Variants in CDH13 observed in about 807,000 individuals in gnomAD.
CDH13 encodes the protein cadherin 13.
In CDH13, 24 loss-of-function variants were observed where a neutral mutation model predicts 63.8. The ratio of observed to expected loss-of-function variants is 0.38; its 90% CI spans 0.27 to 0.53. The LOEUF is 0.53. Ranked by LOEUF, CDH13 falls within the 20% of genes least tolerant of loss-of-function variation. The pLI, the probability that CDH13 is intolerant of heterozygous loss-of-function variation, is 0.85. For synonymous variants in CDH13, 503 were observed against 355.3 expected (o/e 1.42, Z -4.67); for missense variants, 1,049 against 903.1 (o/e 1.16, Z -2.07).
intron 3 of CDH13, among the ~76,000 whole-genome samples, chr16:83,072,956 T>C (rs1490224677): frequency 6.6e-6 from 1 of 152,332 alleles, no homozygotes; most frequent in East Asian, 1.9e-4. Context: ...TATTTTAAGA[T>C]GATGTGGCCT....
intron 1 of CDH13, among the ~76,000 whole-genome samples, chr16:82,744,255 T>C (rs1237685570): frequency 2.6e-5 from 4 of 152,190 alleles, no homozygotes; most frequent in Non-Finnish European, 5.9e-5. Context: ...AAGAGGGTGA[T>C]TGTTAAATGA....
intron 2 of CDH13, among the ~76,000 whole-genome samples, chr16:82,956,387 A>T (rs996286726): frequency 1.3e-5 from 2 of 152,066 alleles, no homozygotes; most frequent in African/African-American, 4.8e-5. Flanking sequence ...ATGGCAGCTG[A>T]AGGATTATTT....
intron 7 of CDH13, among the ~76,000 whole-genome samples, chr16:83,592,523 A>T (rs1197714099): frequency 3.3e-5 from 5 of 152,186 alleles, no homozygotes. Context: ...TAGGAACGCC[A>T]TTGGCAGTTT....
intron 1 of CDH13, among the ~76,000 whole-genome samples, chr16:82,693,520 C>G (rs530630559): frequency 3.3e-5 from 5 of 152,142 alleles, no homozygotes; most frequent in South Asian, 2.1e-4. Context: ...ACTCGCTCTC[C>G]CCTGTATTAA....
At chr16:83,602,711 T>C in intron 8 of CDH13, 117 bp downstream of exon 8, 2 of 1,020,082 alleles carry the variant, frequency 2.0e-6, no homozygotes, top group Non-Finnish European at 3.0e-6. Flanking sequence ...AAATACTCCT[T>C]TGTGGGAGAG....
intron 4 of CDH13, among the ~76,000 whole-genome samples, chr16:83,171,282 C>G (rs1248137598): frequency 6.6e-6 from 1 of 152,010 alleles, no homozygotes; most frequent in African/African-American, 2.4e-5. Flanking sequence ...TTTTAAAGGA[C>G]CAGATCTTGT....
chr16:83,402,773 A>G (rs16960371), intron 6 of CDH13, among the ~76,000 whole-genome samples: 5 of 152,090 alleles, frequency 3.3e-5, no homozygotes, highest in African/African-American at 7.2e-5. Context: ...TTAGTATGCA[A>G]TTTCATTCTT....
intron 3 of CDH13, among the ~76,000 whole-genome samples, chr16:83,088,634 G>C (rs1567817936): frequency 6.6e-6 from 1 of 152,186 alleles, no homozygotes; most frequent in South Asian, 2.1e-4. Context: ...TGAGAACAAA[G>C]TATTTACATT....
rs1366038336 is a variant in CDH13, at chr16:83,724,270, G to T, written c.1539-23838G>T. 2.1e-5 allele frequency among the ~76,000 whole-genome samples: 3 copies of T among 145,492 alleles called. No homozygotes were observed. The Admixed American group carries it at 2.1e-4, about 10-fold the overall frequency. On this transcript the variant is annotated intron_variant, in intron 10 of 13. Transcript: ENST00000567109. ...TGGGTGGATGATGAATGCATGGGTG[G>T]GTGATTAATGCATGGGTAGGTGATG...
At chr16:83,465,648 T>C (rs539258752) in intron 6 of CDH13, among the ~76,000 whole-genome samples, 96 of 152,350 alleles carry the variant, frequency 6.3e-4, no homozygotes, top group African/African-American at 2.0e-3. Context: ...GGGAATTATA[T>C]GGAACACTCA....
chr16:82,773,505 T>G (rs2035354793), intron 1 of CDH13: 1 of 152,276 alleles, frequency 6.6e-6, no homozygotes, highest in Non-Finnish European at 1.5e-5. Flanking sequence ...TCTGGAAGTT[T>G]CCTTTGAACA....
At chr16:82,937,438 G>GACACACAC (rs10626791) in intron 2 of CDH13, among the ~76,000 whole-genome samples, 3 of 146,932 alleles carry the variant, frequency 2.0e-5, no homozygotes, top group African/African-American at 7.4e-5. Flanking sequence ...CACACACACA[G>GACACACAC]ACACACACAC....
rs1598446205 is a variant in CDH13 at position 83,671,120 on chromosome 16, C to T, written c.1284+148C>T. ...AATTAACAAAGGAAAAGGCTCATGG[C>T]TTAAGGGTGCACTCGTATCCTCAGC... On this transcript the variant is annotated intron_variant, in intron 9 of 13. Transcript: ENST00000567109. 7 of 671,226 alleles carry T rather than the reference C, an allele frequency of 1.0e-5. No individual in the cohort carries two copies. The East Asian group carries it at 1.8e-4, about 17-fold the overall frequency. 41.6% of individuals were successfully genotyped at this position (671,226 alleles called of 1,614,324 possible).
chr16:83,441,870 G>A (rs916540621), intron 6 of CDH13, among the ~76,000 whole-genome samples: 4 of 152,118 alleles, frequency 2.6e-5, no homozygotes, highest in South Asian at 2.1e-4. Context: ...ATGTGTATAC[G>A]AGGCTTTGTT....
chr16:82,900,393 G>T (rs2041421747), intron 2 of CDH13, among the ~76,000 whole-genome samples: 1 of 151,198 alleles, frequency 6.6e-6, no homozygotes. Context: ...GACTTGATAA[G>T]GCCACAAGCC....
In CDH13 at chr16:83,780,096, T is replaced by C; in HGVS notation, c.1810T>C (p.Leu604=). 2 of 1,613,906 alleles carry C rather than the reference T, an allele frequency of 1.2e-6. No homozygotes were observed. Among genetic ancestry groups the C allele is most frequent in the South Asian group, 1.1e-5 (1 of 91,074 alleles). The change falls in exon 12 of 14, where the codon TTG becomes CTG. Residue 604 remains leucine, a synonymous_variant. Transcript: ENST00000567109. The part of the protein sequence containing the change: ...DDAKNLSVVI[L]GASDKDLHPN... ...TGCCAAAAACCTCAGTGTAGTCATTTTGGGAGCATCAGATAAGGATCTTCA... is the reference window on the plus strand; with the variant it reads ...TGCCAAAAACCTCAGTGTAGTCATTCTGGGAGCATCAGATAAGGATCTTCA...
chr16:83,444,823 C>G (rs529085357), intron 6 of CDH13, among the ~76,000 whole-genome samples: 2 of 152,266 alleles, frequency 1.3e-5, no homozygotes, highest in African/African-American at 4.8e-5. Flanking sequence ...GTTGGTTTTG[C>G]CTGAAGGTAT....
At chr16:83,769,240 C>G (rs1208083912) in intron 11 of CDH13, among the ~76,000 whole-genome samples, 1 of 152,118 alleles carries the variant, frequency 6.6e-6, no homozygotes, top group Non-Finnish European at 1.5e-5. Context: ...GGAGGTGTGT[C>G]TGAAAAACAT....
At chr16:82,955,068 G>A (rs1178802355) in intron 2 of CDH13, among the ~76,000 whole-genome samples, 4 of 152,158 alleles carry the variant, frequency 2.6e-5, no homozygotes, top group South Asian at 2.1e-4. Context: ...ACTTTGGGGC[G>A]ATTTTGAATA....
Sources: gnomAD v4.1 joint callset for allele counts (sites outside exome capture counted in the v4.1 genomes callset) on GRCh38, gnomAD v4.1.1 for gene constraint, MANE v1.5 for transcripts, NCBI Gene and HGNC (gene_info 2026-07-23, HGNC 2026-07-21) for gene names.